DDX1: variants seen among roughly 807,000 people sequenced by gnomAD.
DDX1 encodes the protein DEAD-box helicase 1.
DDX1 carries 28 observed loss-of-function variants against 108.7 expected under a neutral mutation model. The observed-to-expected ratio is 0.26, with a 90% confidence interval of 0.19 to 0.35. The LOEUF (loss-of-function observed/expected upper bound fraction) is 0.35, where lower values mean the gene tolerates loss of function less well. Ranked by LOEUF, DDX1 falls within the 10% of genes least tolerant of loss-of-function variation. The pLI, the probability that DDX1 is intolerant of heterozygous loss-of-function variation, is 1.00. For missense variants in DDX1, 710 were observed against 884.5 expected, an observed-to-expected ratio of 0.80 and a Z score of 2.50; for synonymous variants, 295 against 288.9, an observed-to-expected ratio of 1.02 and a Z score of -0.21.
chr2:15,600,915 C>G (rs973920091), intron 6 of DDX1, among the ~76,000 whole-genome samples: 5 of 151,874 alleles, frequency 3.3e-5, no homozygotes, highest in Non-Finnish European at 7.4e-5. Context: ...CTAAATTCCA[C>G]TGATAATTTT....
chr2:15,623,610 G>T (rs762145803), intron 19 of DDX1, 28 bp downstream of exon 19: 2 of 1,582,468 alleles, frequency 1.3e-6, no homozygotes, highest in Middle Eastern at 1.7e-4. Context: ...GAAATAAATT[G>T]TGTTTATATC....
At chr2:15,605,129 A>G (rs1665643064) in intron 10 of DDX1, among the ~76,000 whole-genome samples, 1 of 152,346 alleles carries the variant, frequency 6.6e-6, no homozygotes, top group African/African-American at 2.4e-5. Flanking sequence ...ATGGAAAGCC[A>G]TGAGGGTTTT....
intron 20 of DDX1, chr2:15,627,352 CTACTA>C (rs1047331955): frequency 8.3e-5 from 30 of 363,256 alleles, no homozygotes; most frequent in African/African-American, 6.3e-4. Context: ...CAGCATAACA[CTACTA>C]TAACAGGAAT....
chr2:15,611,795 C>G (rs1665768850), intron 13 of DDX1, among the ~76,000 whole-genome samples: 1 of 111,828 alleles, frequency 8.9e-6, no homozygotes, highest in Non-Finnish European at 1.8e-5. Flanking sequence ...GGGCTGACCC[C>G]CCCACCTCCC....
intron 23 of DDX1, 142 bp from the exon 24 acceptor site, chr2:15,629,460 G>A (rs1666156533): frequency 5.0e-6 from 3 of 601,318 alleles, no homozygotes; most frequent in South Asian, 2.4e-5. Flanking sequence ...GAATAGTAGT[G>A]GTAATTGGAT....
chr2:15,610,092 G>A (rs1665727968), intron 13 of DDX1, among the ~76,000 whole-genome samples: 1 of 152,052 alleles, frequency 6.6e-6, no homozygotes, highest in Admixed American at 6.6e-5. Flanking sequence ...GTGCCACAGT[G>A]CTTGGCTAAT....
At chr2:15,624,641 C>G (rs570360123) in intron 19 of DDX1, among the ~76,000 whole-genome samples, 1 of 152,304 alleles carries the variant, frequency 6.6e-6, no homozygotes, top group African/African-American at 2.4e-5. Context: ...GTCCCTCCCA[C>G]ATGTGGGGAT....
intron 6 of DDX1, among the ~76,000 whole-genome samples, chr2:15,602,108 A>G (rs1665597302): frequency 6.6e-6 from 1 of 152,220 alleles, no homozygotes; most frequent in Non-Finnish European, 1.5e-5. Context: ...CTCTAATTTA[A>G]GTATAAAATC....
At chr2:15,602,805 C>G (rs148361434) in intron 7 of DDX1, among the ~76,000 whole-genome samples, 174 bp downstream of exon 7, 2,745 of 152,276 alleles carry the variant, frequency 0.018, 88 homozygotes, top group African/African-American at 0.061. Flanking sequence ...CCTCCACCTC[C>G]CGGGTTCAAG....
chr2:15,608,795 C>T lies in DDX1; in HGVS notation c.956+1482C>T, dbSNP rs1315726630. ...ACTCAAGGAATTCTCTCTCTTGCCT[C>T]AGCCTCCCGAGTAGCTGAGAATACA... On this transcript the variant is annotated intron_variant, in intron 13 of 25. Coordinates refer to ENST00000233084, the MANE Select transcript of DDX1 (RefSeq NM_004939.3). Among the ~76,000 whole-genome samples, 5 of 152,062 alleles carry T rather than the reference C, an allele frequency of 3.3e-5. No homozygotes were observed. The East Asian group carries it at 9.7e-4, about 29-fold the overall frequency.
Position 15,602,575 on chromosome 2 carries a change from A to C in DDX1, c.335A>C (p.Gln112Pro), listed in dbSNP as rs767314009. 2 of 1,613,946 alleles carry C rather than the reference A, an allele frequency of 1.2e-6. No homozygotes were observed. The highest frequency in any genetic ancestry group is 3.3e-5 in the Admixed American group (2 of 60,032). ...ATTGGGTCAGATGGTCTTTGTTGTC[A>C]AAGCAGAGAAGTAAAGGAATGGCAT... ...FAIGSDGLCC[Q>P]SREVKEWHGC... The change falls in exon 7 of 26, where the codon CAA (glutamine) becomes CCA (proline). Residue 112 changes from glutamine (Q) to proline (P), a missense_variant. Gln to Pro is a moderately conservative substitution (Grantham distance 76). This residue lies in a region of DDX1 where 661 missense variants were observed against 810.2 expected (regional missense o/e 0.82). Transcript: ENST00000233084.
chr2:15,628,941 C>T (rs1018766678), intron 23 of DDX1, 102 bp downstream of exon 23: 37 of 1,091,458 alleles, frequency 3.4e-5, no homozygotes, highest in East Asian at 4.8e-5. Context: ...AATTCAGCTG[C>T]GTATGGAATA....
At chr2:15,604,313 T>C (rs1665631304) in intron 9 of DDX1, 124 bp from the exon 10 acceptor site, 4 of 662,424 alleles carry the variant, frequency 6.0e-6, no homozygotes, top group Middle Eastern at 4.1e-4. Flanking sequence ...ATATGTCATA[T>C]GCTCTAATAG....
At chr2:15,603,771 A>G (rs767848591) in intron 8 of DDX1, 43 bp from the exon 9 acceptor site, 1 of 1,334,842 alleles carries the variant, frequency 7.5e-7, no homozygotes, top group South Asian at 1.3e-5. Flanking sequence ...TTTTAATTTT[A>G]TATTTTCTCT....
At position 15,616,318 on chromosome 2, in the gene DDX1, C is replaced by T. The variant is rs139624132; in HGVS notation, c.1018-926C>T. ...GTTCTTACTCAGTACTTACAATAAT[C>T]CTCTGAGATGGTACTCTTCCCCATT... is the stretch of plus-strand genomic sequence containing the variant. On this transcript the variant is annotated intron_variant, in intron 14 of 25. Transcript: ENST00000233084. Among the ~76,000 whole-genome samples the T allele has an allele frequency of 6.6e-4, 100 of 152,248 alleles. 2 individuals are homozygous for T. In the East Asian group the frequency reaches 0.017, roughly 26 times the overall value.
intron 19 of DDX1, among the ~76,000 whole-genome samples, chr2:15,626,372 T>C (rs1478285531): frequency 6.6e-6 from 1 of 152,194 alleles, no homozygotes; most frequent in African/African-American, 2.4e-5. Context: ...TCAAAATGTA[T>C]TGTTTCCTTG....
At chr2:15,628,309 T>C (rs565286322) in intron 20 of DDX1, 136 bp from the exon 21 acceptor site, 1 of 616,342 alleles carries the variant, frequency 1.6e-6, no homozygotes, top group South Asian at 2.2e-5. Context: ...TCCAGTAAAT[T>C]AGGAGTATGT....
chr2:15,599,602 C>CG (rs2090088470), intron 5 of DDX1, 67 bp from the exon 6 acceptor site: 1 of 1,277,744 alleles, frequency 7.8e-7, no homozygotes, highest in Non-Finnish European at 1.1e-6. Flanking sequence ...CGTGAGTCAC[C>CG]GCACCCGGCC....
intron 17 of DDX1, 114 bp from the exon 18 acceptor site, chr2:15,620,951 T>C (rs1261611546): frequency 6.3e-6 from 4 of 632,408 alleles, no homozygotes; most frequent in African/African-American, 1.9e-5. Flanking sequence ...TGAAGACATA[T>C]ATCTGAAATA....
Sources: allele counts gnomAD v4.1 joint callset (sites outside exome capture counted in the v4.1 genomes callset), GRCh38; gene constraint gnomAD v4.1.1; regional missense constraint gnomAD v4.1.1; transcripts MANE v1.5; gene names NCBI Gene and HGNC (gene_info 2026-07-23, HGNC 2026-07-21).